IQGAP3: variants seen among roughly 807,000 people sequenced by gnomAD.
IQGAP3 encodes the protein IQ motif containing GTPase activating protein 3.
A neutral mutation model predicts 208.2 loss-of-function variants in IQGAP3; 165 were observed. The ratio of observed to expected loss-of-function variants is 0.79; its 90% CI spans 0.70 to 0.90. The LOEUF (loss-of-function observed/expected upper bound fraction) is 0.90. Ranked by LOEUF, IQGAP3 falls within the 40% of genes least tolerant of loss-of-function variation. The probability of loss-of-function intolerance (pLI) is 0.00; values close to 1 mark genes in which losing one functional copy is unlikely to be tolerated. For synonymous variants in IQGAP3, 703 were observed against 803.6 expected, an observed-to-expected ratio of 0.87 and a Z score of 2.12; for missense variants, 1,811 against 2,043.1, an observed-to-expected ratio of 0.89 and a Z score of 2.19.
At chr1:156,572,286 GCA>G (rs772568767) in intron 1 of IQGAP3, among the ~76,000 whole-genome samples, 159 of 152,250 alleles carry the variant, frequency 1.0e-3, no homozygotes, top group Admixed American at 2.1e-3. Context: ...TTAAAGCGCA[GCA>G]CATTAGTCAG....
intron 19 of IQGAP3, among the ~76,000 whole-genome samples, chr1:156,547,510 G>C (rs1235194492): frequency 1.3e-5 from 2 of 151,986 alleles, no homozygotes; most frequent in African/African-American, 2.4e-5. Context: ...ATTTCAGCCA[G>C]TACACTGCCC....
rs755822155 is a variant in IQGAP3 at position 156,538,859 on chromosome 1, G to A, written c.3231C>T (p.His1077=). The A allele has an allele frequency of 4.3e-6, 7 of 1,614,078 alleles. No individual in the cohort carries two copies. The highest frequency in any genetic ancestry group is 3.3e-5 in the Admixed American group (2 of 60,012). Reference sequence around the variant, plus strand: ...TCTGGTTGATCCAGTTCTTATAGAGGTGGACAGGGTCTGTGTGGACGCTGA... The same window carrying A: ...TCTGGTTGATCCAGTTCTTATAGAGATGGACAGGGTCTGTGTGGACGCTGA... ...KVLSVHTDPV[H]LYKNWINQTE... Residue 1077 remains histidine (H), a synonymous_variant, in exon 26 of 38, where the codon CAC becomes CAT. Transcript: ENST00000361170.
In IQGAP3 at chr1:156,538,844, C is replaced by G. The variant is rs1674834894; in HGVS notation, c.3246G>C (p.Trp1082Cys). Reference protein sequence around the residue: ...HTDPVHLYKNWINQTEAQTGQ... With the variant: ...HTDPVHLYKNCINQTEAQTGQ... Reference sequence around the variant, plus strand: ...CTGTCTGGGCCTCAGTCTGGTTGATCCAGTTCTTATAGAGGTGGACAGGGT... The same window carrying G: ...CTGTCTGGGCCTCAGTCTGGTTGATGCAGTTCTTATAGAGGTGGACAGGGT... The change falls in exon 26 of 38, where the codon TGG (tryptophan) becomes TGC (cysteine). Residue 1082 changes from tryptophan (W) to cysteine (C), a missense_variant. By Grantham distance (215) the Trp-to-Cys change is radical. Coordinates refer to ENST00000361170, the MANE Select transcript of IQGAP3 (RefSeq NM_178229.5). The G allele has an allele frequency of 6.2e-7, 1 of 1,614,024 alleles. No homozygotes were observed. Among genetic ancestry groups the G allele is most frequent in the East Asian group, 2.2e-5 (1 of 44,898 alleles).
At position 156,526,251 on chromosome 1, in the gene IQGAP3, A is replaced by G; in HGVS notation, c.*235T>C. Reference sequence around the variant, plus strand: ...CTGGCAGGAAAGCCAGGGGTTTGTCATGCATGATAAAAGCCACACAGCTGG... The same window carrying G: ...CTGGCAGGAAAGCCAGGGGTTTGTCGTGCATGATAAAAGCCACACAGCTGG... On this transcript the variant is annotated 3_prime_UTR_variant, in exon 38 of 38. Coordinates refer to ENST00000361170, the MANE Select transcript of IQGAP3 (RefSeq NM_178229.5). 1.9e-6 allele frequency: 1 copy of G among 530,264 alleles called. No individual in the cohort carries two copies. 32.8% of individuals were successfully genotyped at this position (530,264 alleles called of 1,614,324 possible).
chr1:156,551,529 T>G (rs1430682143), intron 15 of IQGAP3, among the ~76,000 whole-genome samples, 176 bp downstream of exon 15: 1 of 152,206 alleles, frequency 6.6e-6, no homozygotes, highest in Non-Finnish European at 1.5e-5. Flanking sequence ...TCCCATGGAC[T>G]GCCCACTGCC....
chr1:156,532,009 C>T (rs2102359050), intron 32 of IQGAP3, among the ~76,000 whole-genome samples: 1 of 152,322 alleles, frequency 6.6e-6, no homozygotes, highest in South Asian at 2.1e-4. Context: ...GACCAGCTCA[C>T]CCCTACTGGG....
At chr1:156,563,723 A>C in intron 6 of IQGAP3, 34 bp downstream of exon 6, 1 of 1,611,036 alleles carries the variant, frequency 6.2e-7, no homozygotes, top group African/African-American at 1.3e-5. Flanking sequence ...GACCCTGCCC[A>C]GGCTGTGGTG....
chr1:156,528,656 C>T lies in IQGAP3; in HGVS notation c.4572-46G>A, dbSNP rs772570715. 8.2e-6 allele frequency: 12 copies of T among 1,470,534 alleles called. No homozygotes were observed. In the East Asian group the frequency reaches 2.3e-4, roughly 28 times the overall value. 91.1% of individuals were successfully genotyped at this position (1,470,534 alleles called of 1,614,324 possible). A position where few individuals can be genotyped will look rare whatever the true frequency, so the allele number is the denominator to read the frequency against. On this transcript the variant is annotated intron_variant, in intron 35 of 37. Coordinates refer to ENST00000361170, the MANE Select transcript of IQGAP3 (RefSeq NM_178229.5). Reference sequence around the variant, plus strand: ...GAGAATTCATCCAATAAACACTTTACCACCAAAGAAACTTGTTTTCTGTGG... The same window carrying T: ...GAGAATTCATCCAATAAACACTTTATCACCAAAGAAACTTGTTTTCTGTGG...
In IQGAP3 at chr1:156,526,509, T is replaced by C. The variant is rs780744414; in HGVS notation, c.4873A>G (p.Asn1625Asp). The change falls in exon 38 of 38, where the codon AAC becomes GAC. Residue 1625 changes from asparagine (N) to aspartate (D), a missense_variant. Physicochemically the swap from Asn to Asp is conservative, Grantham distance 23. Transcript: ENST00000361170. Reference sequence around the variant, plus strand: ...TGTCACTTCCGCAAAAACTTCTTGTTGAGGAGGAAGATGAGAAGGTTGACA... The same window carrying C: ...TGTCACTTCCGCAAAAACTTCTTGTCGAGGAGGAAGATGAGAAGGTTGACA... ...VNVNLLIFLL[N>D]KKFLRK 4 of 1,613,784 alleles carry C rather than the reference T, an allele frequency of 2.5e-6. No individual in the cohort carries two copies. Among genetic ancestry groups the C allele is most frequent in the Non-Finnish European group, 3.4e-6 (4 of 1,179,660 alleles).
chr1:156,552,387 C>T (rs764695745), intron 13 of IQGAP3, among the ~76,000 whole-genome samples: 1 of 152,178 alleles, frequency 6.6e-6, no homozygotes, highest in Non-Finnish European at 1.5e-5. Context: ...CCCGAAAGCA[C>T]ACCTCCAGCC....
chr1:156,534,193 A>G, intron 29 of IQGAP3, 52 bp from the exon 30 acceptor site: 1 of 1,606,428 alleles, frequency 6.2e-7, no homozygotes, highest in Non-Finnish European at 8.5e-7. Context: ...CACCCCACAC[A>G]TCTTCTGTCC....
intron 37 of IQGAP3, among the ~76,000 whole-genome samples, chr1:156,527,649 AG>A (rs1674165316): frequency 6.6e-6 from 1 of 152,208 alleles, no homozygotes; most frequent in Non-Finnish European, 1.5e-5. Flanking sequence ...AGAGGATTAA[AG>A]GAGGTAACAT....
chr1:156,552,196 C>A, intron 13 of IQGAP3, 101 bp from the exon 14 acceptor site: 1 of 1,392,486 alleles, frequency 7.2e-7, no homozygotes, highest in Non-Finnish European at 9.8e-7. Flanking sequence ...ACCTCCAGGA[C>A]ACCACACTCT....
At chr1:156,547,852 C>A (rs1675335814) in intron 19 of IQGAP3, among the ~76,000 whole-genome samples, 1 of 152,180 alleles carries the variant, frequency 6.6e-6, no homozygotes, top group Non-Finnish European at 1.5e-5. Context: ...AGTGAGGAAA[C>A]TGAGGGAGAG....
At chr1:156,563,405 T>C in intron 7 of IQGAP3, 93 bp from the exon 8 acceptor site, 2 of 1,423,358 alleles carry the variant, frequency 1.4e-6, no homozygotes, top group Non-Finnish European at 1.9e-6. Flanking sequence ...TCATCCTTTT[T>C]CCCACCCTCA....
Position 156,554,365 on chromosome 1 carries a change from C to G in IQGAP3, c.1318G>C (p.Ala440Pro). ...ACCACAGCTGAGAGCATCTCCACAG[C>G]CACGAAGAGCTCCTCCTGGCCAAGC... ...GELGQEELFV[A>P]VEMLSAVVLI... Residue 440 changes from alanine to proline, a missense_variant, in exon 13 of 38, where the codon GCT becomes CCT. By Grantham distance (27) the Ala-to-Pro change is conservative. Coordinates refer to ENST00000361170, the MANE Select transcript of IQGAP3 (RefSeq NM_178229.5). 6.2e-7 allele frequency: 1 copy of G among 1,609,248 alleles called. No homozygotes were observed. The highest frequency in any genetic ancestry group is 1.7e-5 in the Admixed American group (1 of 58,380).
rs376107865 is a variant in IQGAP3 at position 156,526,023 on chromosome 1, G to A, written c.*463C>T. ...CAGCAGCAGAGCTGCCTAGACTCAGGAAGGGCAGGAACACCCACTGCTGAT... is the reference window on the plus strand; with the variant it reads ...CAGCAGCAGAGCTGCCTAGACTCAGAAAGGGCAGGAACACCCACTGCTGAT... On this transcript the variant is annotated 3_prime_UTR_variant, in exon 38 of 38. Coordinates refer to ENST00000361170, the MANE Select transcript of IQGAP3 (RefSeq NM_178229.5). 1.1e-5 allele frequency: 2 copies of A among 178,880 alleles called. No homozygotes were observed. Among genetic ancestry groups the A allele is most frequent in the East Asian group, 1.4e-4 (1 of 7,308 alleles). 11.1% of individuals were successfully genotyped at this position (178,880 alleles called of 1,614,324 possible).
rs774844145 is a variant in IQGAP3 at position 156,531,154 on chromosome 1, A to T, written c.4191+6T>A. The T allele has an allele frequency of 6.2e-7, 1 of 1,603,298 alleles. No homozygotes were observed. The highest frequency in any genetic ancestry group is 8.5e-7 in the Non-Finnish European group (1 of 1,170,488). On this transcript the variant is annotated splice_donor_region_variant and intron_variant, in intron 33 of 37. Transcript: ENST00000361170. ...ACAGAACCTGTGGGCCAGCCCGGCT[A>T]CTCACTTGCTCTCTGGAAGCCGAGA...
chr1:156,563,112 G>A (rs376254305), intron 8 of IQGAP3, 22 bp downstream of exon 8: 20 of 1,550,178 alleles, frequency 1.3e-5, no homozygotes, highest in Non-Finnish European at 1.7e-5. Context: ...TTCGGTCCCT[G>A]CAACCCAAGA....
Sources: allele counts gnomAD v4.1 joint callset (sites outside exome capture counted in the v4.1 genomes callset), GRCh38; gene constraint gnomAD v4.1.1; transcripts MANE v1.5; gene names NCBI Gene and HGNC (gene_info 2026-07-23, HGNC 2026-07-21).